Variants in DSC2 observed in about 807,000 individuals in gnomAD.
DSC2 encodes desmocollin 2.
DSC2 carries 51 observed loss-of-function variants against 87.6 expected under a neutral mutation model. That is an observed-to-expected ratio of 0.58 (90% CI 0.46 to 0.74). The LOEUF is 0.74. DSC2 is among the 30% of genes least tolerant of loss of function. The probability of loss-of-function intolerance (pLI) is 0.00; values close to 1 mark genes in which losing one functional copy is unlikely to be tolerated. For synonymous variants in DSC2, 383 were observed against 393.2 expected (o/e 0.97, Z 0.31); for missense variants, 1,066 against 1,089.5 (o/e 0.98, Z 0.30).
At chr18:31,077,403 C>G (rs1395850787) in intron 11 of DSC2, among the ~76,000 whole-genome samples, 2 of 152,262 alleles carry the variant, frequency 1.3e-5, no homozygotes, top group South Asian at 2.1e-4. Context: ...CATGCCTTAC[C>G]TATTGAATCT....
At chr18:31,091,826 C>CAA (rs138357583) in intron 3 of DSC2, among the ~76,000 whole-genome samples, 1 of 148,294 alleles carries the variant, frequency 6.7e-6, no homozygotes, top group South Asian at 2.1e-4. Context: ...CGGTAAAGCT[C>CAA]AAAAAAAAAA....
intron 11 of DSC2, among the ~76,000 whole-genome samples, chr18:31,077,194 T>C (rs1437122476): frequency 6.6e-6 from 1 of 152,196 alleles, no homozygotes; most frequent in East Asian, 1.9e-4. Context: ...GTATTTACAT[T>C]AGAAAAAGGA....
chr18:31,074,893 T>C lies in DSC2; in HGVS notation c.1678A>G (p.Thr560Ala), dbSNP rs1314129882. 4.3e-6 allele frequency: 7 copies of C among 1,613,662 alleles called. No homozygotes were observed. The highest frequency in any genetic ancestry group is 2.7e-5 in the African/African-American group (2 of 74,916). The change falls in exon 12 of 16, where the codon ACG becomes GCG. Residue 560 changes from threonine to alanine, a missense_variant. By Grantham distance (58) the Thr-to-Ala change is moderately conservative. Coordinates refer to ENST00000280904, the MANE Select transcript of DSC2 (RefSeq NM_024422.6). ...TGAAGTATAATGCCCAGTGTCCCCG[T>C]ACATGTTCTCCCTCCTAGAAAAATG... Reference protein sequence around the residue: ...LASDQGGRTCTGTLGIILQDV... With the variant: ...LASDQGGRTCAGTLGIILQDV...
chr18:31,100,207 C>G (rs1987893342), intron 1 of DSC2, among the ~76,000 whole-genome samples: 1 of 152,158 alleles, frequency 6.6e-6, no homozygotes, highest in South Asian at 2.1e-4. Context: ...CTACCCCACT[C>G]CCCGCCTATC....
chr18:31,097,552 C>T (rs1165203601), intron 1 of DSC2, among the ~76,000 whole-genome samples: 3 of 151,228 alleles, frequency 2.0e-5, no homozygotes, highest in African/African-American at 2.4e-5. Flanking sequence ...ATTTAAAAGG[C>T]TATAAGGAAA....
In DSC2 at chr18:31,097,647, A is replaced by G. The variant is rs545053660; in HGVS notation, c.70-4004T>C. On this transcript the variant is annotated intron_variant, in intron 1 of 15. Coordinates refer to ENST00000280904, the MANE Select transcript of DSC2 (RefSeq NM_024422.6). ...TAGCAGATATTACAAATCATATAAAATCTCAACAATTAAATCAATATGGTA... is the reference window on the plus strand; with the variant it reads ...TAGCAGATATTACAAATCATATAAAGTCTCAACAATTAAATCAATATGGTA... Among the ~76,000 whole-genome samples, 313 of 151,978 alleles carry G rather than the reference A, an allele frequency of 2.1e-3. 10 individuals are homozygous for G. The highest frequency in any genetic ancestry group is 7.3e-3 in the African/African-American group (302 of 41,232).
At chr18:31,090,125 A>G (rs530527423) in intron 4 of DSC2, among the ~76,000 whole-genome samples, 3 of 152,166 alleles carry the variant, frequency 2.0e-5, no homozygotes, top group Non-Finnish European at 4.4e-5. Flanking sequence ...ATATTTTGGA[A>G]TGTGTAATAT....
chr18:31,067,764 G>A lies in DSC2; in HGVS notation c.*251C>T, dbSNP rs956675357. The A allele has an allele frequency of 4.5e-6, 2 of 441,908 alleles. No individual in the cohort carries two copies. The highest frequency in any genetic ancestry group is 4.4e-5 in the East Asian group (1 of 22,720). The allele number at this position is 441,908 out of a possible 1,614,324, so 27.4% of individuals were successfully genotyped here. A position where few individuals can be genotyped will look rare whatever the true frequency, so the allele number is the denominator to read the frequency against. Reference sequence around the variant, plus strand: ...CATTATACCCAAATGTAACAAATAAGGCAGACTTTAATTTCTCTGTAGACC... The same window carrying A: ...CATTATACCCAAATGTAACAAATAAAGCAGACTTTAATTTCTCTGTAGACC... On this transcript the variant is annotated 3_prime_UTR_variant, in exon 16 of 16. Transcript: ENST00000280904.
At chr18:31,091,265 G>A in intron 3 of DSC2, 118 bp from the exon 4 acceptor site, 1 of 1,301,532 alleles carries the variant, frequency 7.7e-7, no homozygotes, top group East Asian at 2.5e-5. Flanking sequence ...TGAGACCATG[G>A]GAGTGCTTGA....
Position 31,093,662 on chromosome 18 carries a change from T to A in DSC2, c.70-19A>T, listed in dbSNP as rs1278202829. The A allele has an allele frequency of 6.6e-7, 1 of 1,522,498 alleles. No individual in the cohort carries two copies. The highest frequency in any genetic ancestry group is 1.4e-5 in the African/African-American group (1 of 72,910). 94.3% of individuals were successfully genotyped at this position (1,522,498 alleles called of 1,614,324 possible). On this transcript the variant is annotated intron_variant, in intron 1 of 15. Coordinates refer to ENST00000280904, the MANE Select transcript of DSC2 (RefSeq NM_024422.6). ...TTAAGATCTAAAAAATGAAAAAAAA[T>A]CAAATAAATATTATGCATAAAAAGA... is the stretch of plus-strand genomic sequence containing the variant.
chr18:31,077,118 A>G (rs1434490033), intron 11 of DSC2, among the ~76,000 whole-genome samples: 1 of 152,258 alleles, frequency 6.6e-6, no homozygotes, highest in Non-Finnish European at 1.5e-5. Flanking sequence ...AAGAGCTAGG[A>G]GAGAAAACAA....
chr18:31,060,473 C>A lies in DSC2; in HGVS notation c.*7542G>T. 6.6e-6 allele frequency: 1 copy of A among 152,314 alleles called. No homozygotes were observed. The highest frequency in any genetic ancestry group is 1.5e-5 in the Non-Finnish European group (1 of 68,072). 9.4% of individuals were successfully genotyped at this position (152,314 alleles called of 1,614,324 possible). ...TCATCTCCCATCCCTGATTCACAGG[C>A]CCCTCTGAAGCTCCTGGCCGCCACA... On this transcript the variant is annotated 3_prime_UTR_variant, in exon 16 of 16. Transcript: ENST00000280904.
At chr18:31,070,035 G>T (rs2144786535) in intron 14 of DSC2, among the ~76,000 whole-genome samples, 1 of 152,138 alleles carries the variant, frequency 6.6e-6, no homozygotes, top group Middle Eastern at 3.4e-3. Context: ...GAACACCAAA[G>T]CTTTGGCCAC....
At chr18:31,097,443 T>G (rs893153171) in intron 1 of DSC2, among the ~76,000 whole-genome samples, 1 of 151,476 alleles carries the variant, frequency 6.6e-6, no homozygotes, top group Admixed American at 6.6e-5. Flanking sequence ...AAGACAAAAA[T>G]CAACAACGTA....
chr18:31,075,463 C>T (rs2144801823), intron 11 of DSC2, among the ~76,000 whole-genome samples: 1 of 152,274 alleles, frequency 6.6e-6, no homozygotes, highest in Middle Eastern at 3.4e-3. Flanking sequence ...ATTCAAAGGG[C>T]AGAAGACTCC....
At chr18:31,069,263 G>T in intron 14 of DSC2, 112 bp from the exon 15 acceptor site, 1 of 1,341,716 alleles carries the variant, frequency 7.5e-7, no homozygotes, top group Non-Finnish European at 1.0e-6. Flanking sequence ...TAGAAGGTAA[G>T]CTCTCTGAGA....
rs757253682 is a variant in DSC2 at position 31,071,692 on chromosome 18, G to C, written c.2038C>G (p.Arg680Gly). Residue 680 changes from arginine (R) to glycine (G), a missense_variant, in exon 13 of 16, where the codon CGT (arginine) becomes GGT (glycine). Physicochemically the swap from Arg to Gly is moderately radical, Grantham distance 125. Transcript: ENST00000280904. ...DCITENDCTHRVDPRIGGGGV... is the reference protein window; with the variant it reads ...DCITENDCTHGVDPRIGGGGV... Reference sequence around the variant, plus strand: ...CCACCGCCAATCCTTGGATCTACACGATGTGTGCAGTCATTTTCGGTAATG... The same window carrying C: ...CCACCGCCAATCCTTGGATCTACACCATGTGTGCAGTCATTTTCGGTAATG... 6.2e-7 allele frequency: 1 copy of C among 1,614,074 alleles called. No homozygotes were observed. Among genetic ancestry groups the C allele is most frequent in the South Asian group, 1.1e-5 (1 of 91,070 alleles).
intron 3 of DSC2, among the ~76,000 whole-genome samples, 169 bp downstream of exon 3, chr18:31,091,932 C>T (rs758461125): frequency 1.3e-5 from 2 of 152,144 alleles, no homozygotes; most frequent in Non-Finnish European, 1.5e-5. Flanking sequence ...CCCGAATGAA[C>T]CATGTGACAC....
chr18:31,087,602 T>C lies in DSC2; in HGVS notation c.775+67A>G, dbSNP rs986343312. The C allele has an allele frequency of 3.9e-6, 6 of 1,528,326 alleles. No individual in the cohort carries two copies. In the African/African-American group the frequency reaches 6.8e-5, roughly 17 times the overall value. The allele number at this position is 1,528,326 out of a possible 1,614,324, so 94.7% of individuals were successfully genotyped here. A position where few individuals can be genotyped will look rare whatever the true frequency, so the allele number is the denominator to read the frequency against. ...GGGATACGCTGCTTCTCAACGGACA[T>C]AGTGAAACTAAATGTATGAATTGAA... On this transcript the variant is annotated intron_variant, in intron 6 of 15. Coordinates refer to ENST00000280904, the MANE Select transcript of DSC2 (RefSeq NM_024422.6).
Sources: allele counts gnomAD v4.1 joint callset (sites outside exome capture counted in the v4.1 genomes callset), GRCh38; gene constraint gnomAD v4.1.1; transcripts MANE v1.5; gene names NCBI Gene and HGNC (gene_info 2026-07-23, HGNC 2026-07-21).